CRYZL1: variants seen among roughly 807,000 people sequenced by gnomAD.
CRYZL1 encodes ferry endosomal RAB5 effector complex subunit 4.
A neutral mutation model predicts 50.6 loss-of-function variants in CRYZL1; 34 were observed. That is an observed-to-expected ratio of 0.67 (90% confidence interval 0.51 to 0.89). The LOEUF is 0.89. CRYZL1 is among the 40% of genes least tolerant of loss of function. The probability of loss-of-function intolerance (pLI) is 0.00; values close to 1 mark genes in which losing one functional copy is unlikely to be tolerated. For missense variants in CRYZL1, 354 were observed against 402.3 expected, an observed-to-expected ratio of 0.88 and a Z score of 1.03; for synonymous variants, 125 against 134.3, an observed-to-expected ratio of 0.93 and a Z score of 0.48.
intron 12 of CRYZL1, 132 bp downstream of exon 12, chr21:33,591,030 G>T: frequency 2.8e-6 from 2 of 708,766 alleles, no homozygotes; most frequent in Non-Finnish European, 2.5e-6. Context: ...AATTATGTTT[G>T]CACCAACCTA....
chr21:33,640,255 T>C (rs2087264200), intron 1 of CRYZL1: 6 of 1,539,132 alleles, frequency 3.9e-6, no homozygotes, highest in Non-Finnish European at 5.3e-6. Context: ...TTATCTTGTA[T>C]GGCGAACTAC....
At chr21:33,596,948 C>T (rs1333417963) in intron 10 of CRYZL1, among the ~76,000 whole-genome samples, 4 of 151,696 alleles carry the variant, frequency 2.6e-5, no homozygotes, top group African/African-American at 9.7e-5. Flanking sequence ...CTACAACCTC[C>T]GCTTCCCAGG....
intron 4 of CRYZL1, among the ~76,000 whole-genome samples, chr21:33,620,107 C>T (rs2086976733): frequency 6.6e-6 from 1 of 152,060 alleles, no homozygotes; most frequent in African/African-American, 2.4e-5. Flanking sequence ...TATTTTTCTA[C>T]AGTCTGAGAA....
At chr21:33,637,668 C>G (rs1025280800) in intron 1 of CRYZL1, among the ~76,000 whole-genome samples, 3 of 151,356 alleles carry the variant, frequency 2.0e-5, no homozygotes, top group Admixed American at 1.3e-4. Flanking sequence ...ACTATGGCCA[C>G]TCCAGGTTCA....
At chr21:33,600,424 CTCTA>C (rs1231955609) in intron 8 of CRYZL1, among the ~76,000 whole-genome samples, 1 of 139,230 alleles carries the variant, frequency 7.2e-6, no homozygotes, top group Non-Finnish European at 1.7e-5. Flanking sequence ...TATTTCCTTT[CTCTA>C]TCTTTCAACA....
chr21:33,621,979 C>G lies in CRYZL1; in HGVS notation c.217+17G>C. 2 of 1,538,898 alleles carry G rather than the reference C, an allele frequency of 1.3e-6. No individual in the cohort carries two copies. The highest frequency in any genetic ancestry group is 1.1e-5 in the South Asian group (1 of 87,852). On this transcript the variant is annotated intron_variant, in intron 4 of 12. Transcript: ENST00000381554. ...ACCTTAGAAAATAAATACATATACT[C>G]ACATCTGTATACTTACCATCTAATA...
chr21:33,599,133 T>C lies in CRYZL1; in HGVS notation c.676+17A>G, dbSNP rs376507121. 9 of 1,611,472 alleles carry C rather than the reference T, an allele frequency of 5.6e-6. No individual in the cohort carries two copies. In the African/African-American group the frequency reaches 8.0e-5, roughly 14 times the overall value. On this transcript the variant is annotated intron_variant, in intron 9 of 12. Transcript: ENST00000381554. ...CTAAAAAAACTACACAGGCTACTAA[T>C]TTCATAAGGTACCTACCTCCAGCAT...
At chr21:33,633,262 A>G (rs2087161920) in intron 1 of CRYZL1, among the ~76,000 whole-genome samples, 3 of 152,204 alleles carry the variant, frequency 2.0e-5, no homozygotes, top group African/African-American at 7.2e-5. Context: ...AGTGAGTCTT[A>G]GCTTAAAGCA....
intron 8 of CRYZL1, 141 bp from the exon 9 acceptor site, chr21:33,599,389 G>T: frequency 2.6e-6 from 3 of 1,144,634 alleles, no homozygotes; most frequent in Non-Finnish European, 2.6e-6. Flanking sequence ...TGAATTTAAA[G>T]GGAGAAAGTC....
intron 7 of CRYZL1, among the ~76,000 whole-genome samples, 187 bp from the exon 8 acceptor site, chr21:33,602,532 C>G (rs1174818685): frequency 6.6e-6 from 1 of 152,156 alleles, no homozygotes; most frequent in Non-Finnish European, 1.5e-5. Context: ...GATTGACTTT[C>G]TTCTTTACAA....
rs2087137605 is a variant in CRYZL1 at position 33,631,557 on chromosome 21, C to T, written c.-6G>A. 1 of 1,470,340 alleles carries T rather than the reference C, an allele frequency of 6.8e-7. No individual in the cohort carries two copies. Among genetic ancestry groups the T allele is most frequent in the South Asian group, 1.5e-5 (1 of 68,364 alleles). The allele number at this position is 1,470,340 out of a possible 1,614,324, so 91.1% of individuals were successfully genotyped here. On this transcript the variant is annotated splice_region_variant and 5_prime_UTR_variant, in exon 2 of 13. It adds an upstream start codon to the 5' untranslated region. Transcript: ENST00000381554. Reference sequence around the variant, plus strand: ...TGGAAATATAAGCCTTTCATAGTCACCTAAAAATAAATATATATAAATGAA... The same window carrying T: ...TGGAAATATAAGCCTTTCATAGTCATCTAAAAATAAATATATATAAATGAA...
At chr21:33,616,652 C>G in intron 5 of CRYZL1, 54 bp downstream of exon 5, 1 of 1,602,066 alleles carries the variant, frequency 6.2e-7, no homozygotes, top group Non-Finnish European at 8.5e-7. Context: ...ATAGAAAAAA[C>G]AGAGATGACG....
intron 6 of CRYZL1, among the ~76,000 whole-genome samples, chr21:33,605,525 GAA>G (rs1491126738): frequency 1.3e-4 from 2 of 15,322 alleles, no homozygotes; most frequent in East Asian, 3.6e-3. Context: ...CGCAGTACAA[GAA>G]TTCTTTTTTT....
intron 11 of CRYZL1, among the ~76,000 whole-genome samples, chr21:33,592,713 G>A (rs76938974): frequency 6.6e-6 from 1 of 152,146 alleles, no homozygotes; most frequent in Admixed American, 6.5e-5. Flanking sequence ...TGAATGAGGA[G>A]GGTTTGCACA....
At chr21:33,634,472 C>T (rs904660383) in intron 1 of CRYZL1, among the ~76,000 whole-genome samples, 4 of 152,074 alleles carry the variant, frequency 2.6e-5, no homozygotes, top group Non-Finnish European at 4.4e-5. Flanking sequence ...TGGAATCATC[C>T]CCAGTGACAC....
intron 2 of CRYZL1, among the ~76,000 whole-genome samples, chr21:33,625,548 A>C (rs2087051930): frequency 6.6e-6 from 1 of 152,088 alleles, no homozygotes; most frequent in Non-Finnish European, 1.5e-5. Context: ...CAGTGGCGCA[A>C]TCACAGCTCA....
At chr21:33,624,404 CTGGG>C (rs1284826911) in intron 3 of CRYZL1, among the ~76,000 whole-genome samples, 1 of 152,090 alleles carries the variant, frequency 6.6e-6, no homozygotes, top group African/African-American at 2.4e-5. Context: ...CAAAAATTAG[CTGGG>C]TGTGGTGGTG....
At chr21:33,620,706 GA>G (rs2086985436) in intron 4 of CRYZL1, among the ~76,000 whole-genome samples, 1 of 151,922 alleles carries the variant, frequency 6.6e-6, no homozygotes, top group Admixed American at 6.6e-5. Context: ...CAGCTACTTG[GA>G]AGGCTGAGGC....
intron 2 of CRYZL1, among the ~76,000 whole-genome samples, chr21:33,629,715 C>A (rs1402759346): frequency 6.6e-6 from 1 of 152,206 alleles, no homozygotes. Context: ...AATTCGAATG[C>A]TCTTTCTTTC....
Sources: allele counts gnomAD v4.1 joint callset (sites outside exome capture counted in the v4.1 genomes callset), GRCh38; gene constraint gnomAD v4.1.1; transcripts MANE v1.5; gene names NCBI Gene and HGNC (gene_info 2026-07-23, HGNC 2026-07-21).